Variants in CLSTN1 observed in about 807,000 individuals in gnomAD.
CLSTN1 encodes calsyntenin-1.
In CLSTN1, 28 loss-of-function variants were observed where a neutral mutation model predicts 108.3. That is an observed-to-expected ratio of 0.26 (90% confidence interval 0.19 to 0.35). The LOEUF is 0.35. CLSTN1 is among the 10% of genes least tolerant of loss of function. The probability of loss-of-function intolerance (pLI) is 1.00; values close to 1 mark genes in which losing one functional copy is unlikely to be tolerated. For synonymous variants in CLSTN1, 524 were observed against 534.9 expected (o/e 0.98, Z 0.28); for missense variants, 1,157 against 1,302.6 (o/e 0.89, Z 1.72).
chr1:9,821,945 G>A (rs1273205656), intron 1 of CLSTN1, among the ~76,000 whole-genome samples: 1 of 152,150 alleles, frequency 6.6e-6, no homozygotes, highest in African/African-American at 2.4e-5. Flanking sequence ...TCGGTCTCAG[G>A]TAATGAAGAT....
At chr1:9,752,567 T>C (rs1399416854) in intron 4 of CLSTN1, among the ~76,000 whole-genome samples, 1 of 152,074 alleles carries the variant, frequency 6.6e-6, no homozygotes, top group Non-Finnish European at 1.5e-5. Flanking sequence ...ATGTGCTAAG[T>C]AGAAACTGAG....
rs997641390 is a variant in CLSTN1, at chr1:9,749,845, A to C, written c.718T>G (p.Tyr240Asp). The change falls in exon 6 of 19, where the codon TAT becomes GAT. Residue 240 changes from tyrosine (Y) to aspartate (D), a missense_variant. Transcript: ENST00000377298. ...EHQYKLTVTA[Y>D]DCGKKRATED... ...GTGGCTCTTTTCTTCCCACAGTCAT[A>C]GGCAGTGACGGTCAGCTTATATTGA... 21 of 1,613,860 alleles carry C rather than the reference A, an allele frequency of 1.3e-5. No homozygotes were observed. The highest frequency in any genetic ancestry group is 2.7e-5 in the African/African-American group (2 of 74,922).
Position 9,751,548 on chromosome 1 carries a change from A to G in CLSTN1, c.574T>C (p.Cys192Arg). The G allele has an allele frequency of 3.7e-6, 6 of 1,614,208 alleles. No homozygotes were observed. Among genetic ancestry groups the G allele is most frequent in the Non-Finnish European group, 5.1e-6 (6 of 1,180,032 alleles). The part of the protein sequence containing the change: ...ILRVEAVDAD[C>R]SPQFSQICSY... The stretch of plus-strand genomic sequence containing the variant: ...CAAATCTGGCTGAACTGAGGGGAGC[A>G]GTCGGCATCCACGGCCTCCACCCTC... Residue 192 changes from cysteine to arginine, a missense_variant, in exon 5 of 19, where the codon TGC becomes CGC. By Grantham distance (180) the Cys-to-Arg change is radical. Coordinates refer to ENST00000377298, the MANE Select transcript of CLSTN1 (RefSeq NM_001009566.3).
chr1:9,785,399 T>C (rs1408254720), intron 1 of CLSTN1, among the ~76,000 whole-genome samples: 2 of 152,180 alleles, frequency 1.3e-5, no homozygotes, highest in African/African-American at 2.4e-5. Context: ...TAAGGATTTC[T>C]TCATCAGAAT....
rs773884914 is a variant in CLSTN1, at chr1:9,735,505, C to T, written c.1845G>A (p.Thr615=). 10 of 1,614,118 alleles carry T rather than the reference C, an allele frequency of 6.2e-6. No individual in the cohort carries two copies. The highest frequency in any genetic ancestry group is 5.0e-5 in the Admixed American group (3 of 60,002). The part of the protein sequence containing the change: ...ISYLNSRQFP[T]PGIRRLKITS... The stretch of plus-strand genomic sequence containing the variant: ...TGATTTTGAGTCTGCGAATTCCGGG[C>T]GTGGGGAACTGCCGGGAGTTCAGGT... Residue 615 remains threonine, a synonymous_variant, in exon 13 of 19, where the codon ACG becomes ACA. Coordinates refer to ENST00000377298, the MANE Select transcript of CLSTN1 (RefSeq NM_001009566.3).
rs182051009 is a variant in CLSTN1, at chr1:9,751,907, G to A, written c.441-226C>T. ...GAAAGTTAAAAGAGGGATTTGGGTC[G>A]ATTCTTCCATATCCTAAGAATAAAG... On this transcript the variant is annotated intron_variant, in intron 4 of 18. Transcript: ENST00000377298. 4.3e-3 allele frequency among the ~76,000 whole-genome samples: 657 copies of A among 152,036 alleles called. 8 individuals carry two copies. The highest frequency in any genetic ancestry group is 7.1e-3 in the Non-Finnish European group (485 of 68,008).
In CLSTN1 at chr1:9,731,269, G is replaced by C. The variant is rs773858861; in HGVS notation, c.2685C>G (p.Thr895=). ...AHRRTMRDQD[T]GKENEMDWDD... Reference sequence around the variant, plus strand: ...CCCAGTCCATCTCGTTCTCCTTCCCGGTGTCCTGATCCCGCATGGTCCGCC... The same window carrying C: ...CCCAGTCCATCTCGTTCTCCTTCCCCGTGTCCTGATCCCGCATGGTCCGCC... Residue 895 remains threonine (T), a synonymous_variant, in exon 18 of 19, where the codon ACC becomes ACG. Transcript: ENST00000377298. The C allele has an allele frequency of 1.7e-5, 27 of 1,614,126 alleles. No homozygotes were observed. Among genetic ancestry groups the C allele is most frequent in the Non-Finnish European group, 2.3e-5 (27 of 1,180,060 alleles).
intron 1 of CLSTN1, among the ~76,000 whole-genome samples, chr1:9,797,222 G>A (rs1654048783): frequency 6.6e-6 from 1 of 152,140 alleles, no homozygotes; most frequent in Non-Finnish European, 1.5e-5. Flanking sequence ...GCTCAGGCAA[G>A]AGGACCCTTG....
chr1:9,810,463 G>A (rs953514023), intron 1 of CLSTN1, among the ~76,000 whole-genome samples: 8 of 151,634 alleles, frequency 5.3e-5, no homozygotes, highest in Non-Finnish European at 1.0e-4. Flanking sequence ...GCAACAGAAT[G>A]AGACTCTGTC....
intron 1 of CLSTN1, among the ~76,000 whole-genome samples, chr1:9,818,777 CTTTTTT>C (rs1156483241): frequency 4.4e-3 from 433 of 97,974 alleles, no homozygotes; most frequent in African/African-American, 0.021. Flanking sequence ...TCAAGCAACT[CTTTTTT>C]TTTTTTTTTT....
intron 1 of CLSTN1, among the ~76,000 whole-genome samples, chr1:9,805,470 T>C (rs1274528160): frequency 6.6e-6 from 1 of 152,236 alleles, no homozygotes; most frequent in East Asian, 1.9e-4. Flanking sequence ...ATCTAGCTGT[T>C]TTCTCTTAAG....
chr1:9,761,984 G>A lies in CLSTN1; in HGVS notation c.215-5474C>T, dbSNP rs147590041. 4.3e-3 allele frequency among the ~76,000 whole-genome samples: 662 copies of A among 152,286 alleles called. 12 individuals are homozygous for A. Among genetic ancestry groups the A allele is most frequent in the East Asian group, 0.043 (222 of 5,176 alleles). Reference sequence around the variant, plus strand: ...AGACCAGGAAACAGGAACCGCAACAGTCCCACTGCAGAACAGCCTGGACAG... The same window carrying A: ...AGACCAGGAAACAGGAACCGCAACAATCCCACTGCAGAACAGCCTGGACAG... On this transcript the variant is annotated intron_variant, in intron 2 of 18. Coordinates refer to ENST00000377298, the MANE Select transcript of CLSTN1 (RefSeq NM_001009566.3).
At chr1:9,746,466 A>G (rs1651271960) in intron 7 of CLSTN1, among the ~76,000 whole-genome samples, 1 of 152,252 alleles carries the variant, frequency 6.6e-6, no homozygotes, top group Admixed American at 6.5e-5. Flanking sequence ...CTGTAATCCC[A>G]GAACTTTGAG....
intron 9 of CLSTN1, 42 bp downstream of exon 9, chr1:9,743,842 G>A (rs764381243): frequency 1.2e-6 from 2 of 1,609,354 alleles, no homozygotes; most frequent in Non-Finnish European, 1.7e-6. Flanking sequence ...ATAGGTGTGA[G>A]CACCTTGCCC....
intron 1 of CLSTN1, among the ~76,000 whole-genome samples, chr1:9,791,330 A>G (rs1008105439): frequency 2.6e-5 from 4 of 151,070 alleles, no homozygotes; most frequent in Non-Finnish European, 5.9e-5. Context: ...GCAGCCTCCA[A>G]CTCCTGGACT....
At position 9,823,863 on chromosome 1, in the gene CLSTN1, G is replaced by A. The variant is rs917504186; in HGVS notation, c.-130C>T. 22 of 224,484 alleles carry A rather than the reference G, an allele frequency of 9.8e-5. No individual in the cohort carries two copies. The highest frequency in any genetic ancestry group is 1.4e-4 in the Non-Finnish European group (18 of 132,370). 13.9% of individuals were successfully genotyped at this position (224,484 alleles called of 1,614,324 possible). On this transcript the variant is annotated 5_prime_UTR_variant, in exon 1 of 19. Coordinates refer to ENST00000377298, the MANE Select transcript of CLSTN1 (RefSeq NM_001009566.3). The surrounding 1 kb of genome is among the most constrained non-coding windows in gnomAD (Gnocchi z 6.3). Reference sequence around the variant, plus strand: ...GGGAGCTCCGGGGGTCCAAGGAGGAGCCGCCGCCGCCGCCGCCGTGACGCT... The same window carrying A: ...GGGAGCTCCGGGGGTCCAAGGAGGAACCGCCGCCGCCGCCGCCGTGACGCT...
rs771118255 is a variant in CLSTN1, at chr1:9,744,491, C to A, written c.1138G>T (p.Val380Phe). ...AVRIPDGVVS[V>F]SPKEPFTISV... ...ATGGTGAACGGCTCTTTGGGGCTGACCGACACGACGCCATCCGGGATCCTC... is the reference window on the plus strand; with the variant it reads ...ATGGTGAACGGCTCTTTGGGGCTGAACGACACGACGCCATCCGGGATCCTC... The change falls in exon 8 of 19, where the codon GTC (valine) becomes TTC (phenylalanine). Residue 380 changes from valine (V) to phenylalanine (F), a missense_variant. By Grantham distance (50) the Val-to-Phe change is conservative. Transcript: ENST00000377298. 5.0e-5 allele frequency: 81 copies of A among 1,612,194 alleles called. No individual in the cohort carries two copies. In the Admixed American group the frequency reaches 1.3e-3, roughly 25 times the overall value.
chr1:9,818,635 T>C (rs1265474787), intron 1 of CLSTN1, among the ~76,000 whole-genome samples: 1 of 151,286 alleles, frequency 6.6e-6, no homozygotes, highest in Non-Finnish European at 1.5e-5. Flanking sequence ...CCTTGGTTGT[T>C]TTTTAATGCA....
At chr1:9,760,106 T>A (rs577136301) in intron 2 of CLSTN1, among the ~76,000 whole-genome samples, 2 of 152,192 alleles carry the variant, frequency 1.3e-5, no homozygotes, top group Non-Finnish European at 2.9e-5. Flanking sequence ...TTTCCCTCTG[T>A]TGCCCAGGCT....
Sources: gnomAD v4.1 joint callset for allele counts (sites outside exome capture counted in the v4.1 genomes callset) on GRCh38, gnomAD v4.1.1 for gene constraint, Gnocchi (gnomAD v3.1) non-coding constraint, MANE v1.5 for transcripts, NCBI Gene and HGNC (gene_info 2026-07-23, HGNC 2026-07-21) for gene names.